ERAP1: variants seen among roughly 807,000 people sequenced by gnomAD.
ERAP1 encodes the protein endoplasmic reticulum aminopeptidase 1.
Under a neutral mutation model 103.7 loss-of-function variants are expected in ERAP1, and 86 were observed. That is an observed-to-expected ratio of 0.83 (90% CI 0.70 to 0.99). The LOEUF is 0.99. Ranked by LOEUF, ERAP1 falls within the 50% of genes least tolerant of loss-of-function variation. The pLI is 0.00. For synonymous variants in ERAP1, 398 were observed against 402.4 expected, an observed-to-expected ratio of 0.99 and a Z score of 0.13; for missense variants, 1,009 against 1,128.4, an observed-to-expected ratio of 0.89 and a Z score of 1.52.
At position 96,776,238 on chromosome 5, in the gene ERAP1, A is replaced by G. The variant is rs774751770; in HGVS notation, c.*158T>C. 6.7e-7 allele frequency: 1 copy of G among 1,503,074 alleles called. No homozygotes were observed. Among genetic ancestry groups the G allele is most frequent in the Middle Eastern group, 1.7e-4 (1 of 5,780 alleles). The allele number at this position is 1,503,074 out of a possible 1,614,324, so 93.1% of individuals were successfully genotyped here. ...ATGGTAGCGATAGCCCATTCATGAA[A>G]AACTAACAGCTATTCTTTTCACAGG... On this transcript the variant is annotated 3_prime_UTR_variant, in exon 19 of 19. Coordinates refer to ENST00000443439, the MANE Select transcript of ERAP1 (RefSeq NM_001040458.3).
the ERAP1 span, among the ~76,000 whole-genome samples, chr5:96,869,759 C>T: frequency 1.3e-5 from 2 of 152,136 alleles, no homozygotes; most frequent in South Asian, 4.1e-4. Flanking sequence ...GGTGATCAGA[C>T]ATCTATCCAC....
chr5:96,881,584 T>C, the ERAP1 span: 1 of 435,416 alleles, frequency 2.3e-6, no homozygotes, highest in South Asian at 1.6e-5. Flanking sequence ...GGGGCATATT[T>C]TTCTCATGCA....
chr5:96,790,858 T>C (rs1561270526), intron 8 of ERAP1, among the ~76,000 whole-genome samples: 1 of 152,226 alleles, frequency 6.6e-6, no homozygotes, highest in East Asian at 1.9e-4. Flanking sequence ...CTGAGCCCAC[T>C]GAGGCCCTTA....
chr5:96,823,654 G>T, the ERAP1 span, among the ~76,000 whole-genome samples: 4 of 152,094 alleles, frequency 2.6e-5, no homozygotes, highest in South Asian at 8.3e-4. Context: ...ACCCCCAATG[G>T]TTGCCTAAAA....
the ERAP1 span, among the ~76,000 whole-genome samples, chr5:96,922,230 G>A: frequency 1.3e-5 from 2 of 152,134 alleles, no homozygotes; most frequent in African/African-American, 2.4e-5. Flanking sequence ...CCCGGGAGGC[G>A]GAGCTTGCAG....
At chr5:96,838,583 C>T in the ERAP1 span, among the ~76,000 whole-genome samples, 3 of 151,162 alleles carry the variant, frequency 2.0e-5, no homozygotes, top group African/African-American at 7.4e-5. Context: ...TACTTCCTTC[C>T]ATATATTTCC....
At chr5:96,878,315 C>T in the ERAP1 span, among the ~76,000 whole-genome samples, 40 of 152,236 alleles carry the variant, frequency 2.6e-4, no homozygotes, top group African/African-American at 9.4e-4. Flanking sequence ...TAAATACCTA[C>T]CTTGACCAGC....
the ERAP1 span, among the ~76,000 whole-genome samples, chr5:96,856,025 T>C: frequency 6.6e-6 from 1 of 151,864 alleles, no homozygotes; most frequent in African/African-American, 2.4e-5. Context: ...TTCCTATAAA[T>C]ATATTTTGAG....
At chr5:96,870,249 C>T in the ERAP1 span, among the ~76,000 whole-genome samples, 2 of 152,220 alleles carry the variant, frequency 1.3e-5, no homozygotes, top group Non-Finnish European at 2.9e-5. Context: ...CAAACAATTT[C>T]ATGGAATATG....
chr5:96,865,986 A>T, the ERAP1 span, among the ~76,000 whole-genome samples: 1 of 152,234 alleles, frequency 6.6e-6, no homozygotes, highest in South Asian at 2.1e-4. Flanking sequence ...TCTATACAAG[A>T]TCGCTTTTTT....
chr5:96,901,320 G>A, the ERAP1 span, among the ~76,000 whole-genome samples: 1 of 152,114 alleles, frequency 6.6e-6, no homozygotes, highest in South Asian at 2.1e-4. Context: ...CAAGTAATTT[G>A]CAGAGAGCAG....
At chr5:96,770,299 G>C (rs939115901), downstream of ERAP1, 23 of 493,480 alleles carry the variant, frequency 4.7e-5, no homozygotes, top group African/African-American at 7.7e-5. Context: ...ACGGGAATTA[G>C]AGCATCAATG....
chr5:96,880,076 A>G, the ERAP1 span: 2 of 1,614,190 alleles, frequency 1.2e-6, no homozygotes, highest in South Asian at 2.2e-5. Context: ...TTCAAGATAC[A>G]TGAAACCAGG....
the ERAP1 span, among the ~76,000 whole-genome samples, chr5:96,849,514 C>T: frequency 1.1e-3 from 164 of 152,090 alleles, 1 homozygote; most frequent in African/African-American, 2.8e-3. Flanking sequence ...ATCCCCTTTA[C>T]GATAGCATAA....
Position 96,792,190 on chromosome 5 carries a change from T to A in ERAP1, c.1191A>T (p.Gly397=), listed in dbSNP as rs148857249. 1.2e-6 allele frequency: 2 copies of A among 1,613,148 alleles called. No homozygotes were observed. The highest frequency in any genetic ancestry group is 2.7e-5 in the African/African-American group (2 of 74,894). The change falls in exon 8 of 19, where the codon GGA becomes GGT. Residue 397 remains glycine, a splice_region_variant and synonymous_variant. Transcript: ENST00000443439. ...CAAAACATTTGCCAAAGAAATAATC[T>A]CCCTATTGAGATAGAAAAAAGAAAA... ...VSVTHPELKV[G]DYFFGKCFDA... is the part of the protein sequence containing the mutation.
At chr5:96,784,148 T>C in intron 13 of ERAP1, 68 bp from the exon 14 acceptor site, 1 of 1,499,062 alleles carries the variant, frequency 6.7e-7, no homozygotes, top group East Asian at 2.3e-5. Context: ...TGCTTCAAAA[T>C]ATATTTTAAT....
chr5:96,818,543 G>A, the ERAP1 span, among the ~76,000 whole-genome samples: 1 of 130,996 alleles, frequency 7.6e-6, no homozygotes. Context: ...AGAAAGAAAA[G>A]GAGGCTAAGC....
the ERAP1 span, chr5:96,880,334 A>G: frequency 7.8e-7 from 1 of 1,281,076 alleles, no homozygotes; most frequent in Non-Finnish European, 1.1e-6. Flanking sequence ...TGCCAGGAGC[A>G]GACTTCAGCA....
At chr5:96,869,161 C>G in the ERAP1 span, among the ~76,000 whole-genome samples, 4,696 of 151,512 alleles carry the variant, frequency 0.031, 270 homozygotes, top group African/African-American at 0.11. Context: ...AAATGCATAG[C>G]TAGGGTTACA....
Sources: allele counts gnomAD v4.1 joint callset (sites outside exome capture counted in the v4.1 genomes callset), GRCh38; gene constraint gnomAD v4.1.1; transcripts MANE v1.5; gene names NCBI Gene and HGNC (gene_info 2026-07-23, HGNC 2026-07-21).